The following CCNB3 variants were observed in gnomAD, a reference collection of about 807,000 sequenced individuals.
The protein encoded by CCNB3 is G2/mitotic-specific cyclin-B3.
In CCNB3, 12 loss-of-function variants were observed where a neutral mutation model predicts 68.0. The observed-to-expected ratio is 0.18, with a 90% confidence interval of 0.11 to 0.29. The LOEUF is 0.29. Ranked by LOEUF, CCNB3 falls within the 10% of genes least tolerant of loss-of-function variation. The pLI, the probability that CCNB3 is intolerant of heterozygous loss-of-function variation, is 1.00. For synonymous variants in CCNB3, 354 were observed against 388.9 expected, an observed-to-expected ratio of 0.91 and a Z score of 1.06; for missense variants, 904 against 993.1, an observed-to-expected ratio of 0.91 and a Z score of 1.21.
intron 5 of CCNB3, among the ~76,000 whole-genome samples, chrX:50,297,364 C>CA (rs1214933872): frequency 2.7e-5 from 3 of 111,641 alleles, no homozygotes; most frequent in Non-Finnish European, 5.6e-5. Context: ...CCAGTTTTCC[C>CA]AGCACCATTT....
At chrX:50,217,771 TTC>T (rs1935603064) in intron 1 of CCNB3, among the ~76,000 whole-genome samples, 1 of 112,126 alleles carries the variant, frequency 8.9e-6, no homozygotes, top group African/African-American at 3.2e-5. Flanking sequence ...CAAAGTTTTT[TTC>T]TGTGTTGTTA....
chrX:50,320,041 T>C (rs1384107608), intron 8 of CCNB3, among the ~76,000 whole-genome samples: 1 of 111,336 alleles, frequency 9.0e-6, no homozygotes, highest in Non-Finnish European at 1.9e-5. Context: ...TTTACATCTA[T>C]GTTTATGATG....
rs1921292123 is a variant in CCNB3 at position 50,309,621 on chromosome X, C to A, written c.1452C>A (p.Pro484=). The A allele has an allele frequency of 8.3e-7, 1 of 1,208,985 alleles. No individual in the cohort carries two copies. The highest frequency in any genetic ancestry group is 1.8e-5 in the African/African-American group (1 of 56,909). ...AGTGTACCATTGAGGAGGCACCCCC[C>A]ACCAAGAAGCCTTTAATTTTAAAGA... ...TKKCTIEEAP[P]TKKPLILKRK... The change falls in exon 6 of 13, where the codon CCC becomes CCA. Residue 484 remains proline, a synonymous_variant. Transcript: ENST00000376042.
intron 5 of CCNB3, among the ~76,000 whole-genome samples, chrX:50,295,406 G>A (rs781933592): frequency 9.0e-6 from 1 of 111,348 alleles, no homozygotes; most frequent in African/African-American, 3.3e-5. Context: ...TGTTACTGGA[G>A]ATAAATTACT....
At chrX:50,314,199 A>G (rs1921608559) in intron 8 of CCNB3, among the ~76,000 whole-genome samples, 1 of 111,722 alleles carries the variant, frequency 9.0e-6, no homozygotes. Context: ...GAAAGGAGAG[A>G]CTCTTTCTAG....
Position 50,309,895 on chromosome X carries a change from A to G in CCNB3, c.1726A>G (p.Thr576Ala), listed in dbSNP as rs1557214371. Reference protein sequence around the residue: ...EPMSFRKNPTTEETVLTKTSL... With the variant: ...EPMSFRKNPTAEETVLTKTSL... Reference sequence around the variant, plus strand: ...AATGTCATTTAGGAAGAACCCTACAACTGAGGAGACAGTACTTACCAAGAC... The same window carrying G: ...AATGTCATTTAGGAAGAACCCTACAGCTGAGGAGACAGTACTTACCAAGAC... Residue 576 changes from threonine to alanine, a missense_variant, in exon 6 of 13, where the codon ACT becomes GCT. This residue lies in a region of CCNB3 where 619 missense variants were observed against 609.8 expected (regional missense o/e 1.02). Coordinates refer to ENST00000376042, the MANE Select transcript of CCNB3 (RefSeq NM_033031.3). 2.5e-6 allele frequency: 3 copies of G among 1,210,744 alleles called. No homozygotes were observed. The highest frequency in any genetic ancestry group is 1.8e-5 in the South Asian group (1 of 56,796).
intron 4 of CCNB3, 31 bp from the exon 5 acceptor site, chrX:50,294,832 C>T: frequency 2.6e-6 from 3 of 1,176,244 alleles, no homozygotes; most frequent in South Asian, 3.9e-5. Flanking sequence ...TCCTTCTTCC[C>T]CTGCCCCCCA....
upstream of CCNB3, chrX:50,204,647 T>A (rs1318573775): frequency 3.9e-5 from 4 of 103,666 alleles, no homozygotes; most frequent in Non-Finnish European, 7.8e-5. Flanking sequence ...TCTGGTGGTT[T>A]TAAGTCTGAC....
chrX:50,285,019 CTG>C (rs376642965), intron 2 of CCNB3, 106 bp from the exon 3 acceptor site: 168 of 450,661 alleles, frequency 3.7e-4, no homozygotes, highest in African/African-American at 3.7e-3. Context: ...ACATCAAAAT[CTG>C]TTTTCTCCTA....
chrX:50,345,746 CAGT>C (rs1557220208), intron 9 of CCNB3, among the ~76,000 whole-genome samples: 1 of 111,517 alleles, frequency 9.0e-6, no homozygotes, highest in Admixed American at 9.5e-5. Flanking sequence ...AGAAAGGAGA[CAGT>C]AGCCATTGCA....
At chrX:50,221,164 T>G (rs1238118621) in intron 1 of CCNB3, among the ~76,000 whole-genome samples, 1 of 111,579 alleles carries the variant, frequency 9.0e-6, no homozygotes, top group African/African-American at 3.3e-5. Flanking sequence ...TCTTCTCTCT[T>G]TTCTTCTTTA....
intron 1 of CCNB3, among the ~76,000 whole-genome samples, chrX:50,206,001 A>G (rs1557205454): frequency 9.2e-6 from 1 of 109,121 alleles, no homozygotes; most frequent in Non-Finnish European, 1.9e-5. Flanking sequence ...CTGTAGTGCC[A>G]GCACTTTGGG....
At chrX:50,206,026 G>A (rs1164213441) in intron 1 of CCNB3, among the ~76,000 whole-genome samples, 1 of 107,348 alleles carries the variant, frequency 9.3e-6, no homozygotes, top group Non-Finnish European at 1.9e-5. Flanking sequence ...TGAGGCAGGC[G>A]GATCACGAGA....
At chrX:50,282,815 C>A (rs1936164137) in intron 1 of CCNB3, among the ~76,000 whole-genome samples, 1 of 111,254 alleles carries the variant, frequency 9.0e-6, no homozygotes, top group South Asian at 3.8e-4. Flanking sequence ...TGAGAGTTTT[C>A]TAGCCTGTGG....
intron 8 of CCNB3, among the ~76,000 whole-genome samples, chrX:50,335,198 G>A (rs1481179109): frequency 1.8e-5 from 2 of 112,052 alleles, no homozygotes; most frequent in Non-Finnish European, 3.8e-5. Context: ...AATCCTTGGG[G>A]AAGCTGGGTC....
chrX:50,322,442 C>T (rs377129768), intron 8 of CCNB3, among the ~76,000 whole-genome samples: 2 of 111,306 alleles, frequency 1.8e-5, no homozygotes, highest in Non-Finnish European at 3.8e-5. Context: ...TAAAGACTTA[C>T]ATGTTAGACC....
chrX:50,279,399 CATATAGAA>C (rs1391879503), intron 1 of CCNB3, among the ~76,000 whole-genome samples: 199 of 66,756 alleles, frequency 3.0e-3, no homozygotes, highest in African/African-American at 0.012. Flanking sequence ...TTTGTATATT[CATATAGAA>C]ATATATAAAT....
intron 1 of CCNB3, among the ~76,000 whole-genome samples, chrX:50,226,254 A>ATATTTATATATATAGAATATATG (rs1935781897): frequency 1.5e-5 from 1 of 66,117 alleles, no homozygotes; most frequent in Admixed American, 2.6e-4. Context: ...TAGAATATAT[A>ATATTTATATATATAGAATATATG]TATTTATATA....
rs782202179 is a variant in CCNB3 at position 50,310,220 on chromosome X, A to G, written c.2051A>G (p.Asn684Ser). The G allele has an allele frequency of 1.0e-4, 122 of 1,208,242 alleles. No individual in the cohort carries two copies. The highest frequency in any genetic ancestry group is 1.3e-4 in the Non-Finnish European group (120 of 894,114). ...TTTTCATTGCATGTTAAGCATACCAACAAAAGTGGGTCCCTCTTCCAGGAG... is the reference window on the plus strand; with the variant it reads ...TTTTCATTGCATGTTAAGCATACCAGCAAAAGTGGGTCCCTCTTCCAGGAG... ...ELFSLHVKHT[N>S]KSGSLFQEAL... Residue 684 changes from asparagine to serine, a missense_variant, in exon 6 of 13, where the codon AAC (asparagine) becomes AGC (serine). Coordinates refer to ENST00000376042, the MANE Select transcript of CCNB3 (RefSeq NM_033031.3).
Sources: gnomAD v4.1 joint callset for allele counts (sites outside exome capture counted in the v4.1 genomes callset) on GRCh38, gnomAD v4.1.1 for gene constraint, gnomAD v4.1.1 regional missense constraint, MANE v1.5 for transcripts, NCBI Gene and HGNC (gene_info 2026-07-23, HGNC 2026-07-21) for gene names.